ATP9B: variants seen among roughly 807,000 people sequenced by gnomAD.
ATP9B encodes ATPase phospholipid transporting 9B, also known as probable phospholipid-transporting ATPase IIB.
In ATP9B, 110 loss-of-function variants were observed where a neutral mutation model predicts 146.1. That is an observed-to-expected ratio of 0.75 (90% CI 0.65 to 0.88). The LOEUF (loss-of-function observed/expected upper bound fraction) is 0.88. Ranked by LOEUF, ATP9B falls within the 40% of genes least tolerant of loss-of-function variation. The probability of loss-of-function intolerance (pLI) is 0.00; values close to 1 mark genes in which losing one functional copy is unlikely to be tolerated. For synonymous variants in ATP9B, 604 were observed against 569.7 expected, an observed-to-expected ratio of 1.06 and a Z score of -0.86; for missense variants, 1,499 against 1,496.4, an observed-to-expected ratio of 1.00 and a Z score of -0.03.
At chr18:79,172,776 T>G (rs1314846005) in intron 7 of ATP9B, among the ~76,000 whole-genome samples, 1 of 152,280 alleles carries the variant, frequency 6.6e-6, no homozygotes, top group Non-Finnish European at 1.5e-5. Flanking sequence ...TTTTAAACCA[T>G]TCATCATTGT....
intron 26 of ATP9B, chr18:79,363,610 A>T (rs927600831): frequency 2.0e-5 from 3 of 151,100 alleles, no homozygotes; most frequent in Non-Finnish European, 4.4e-5. Context: ...GGTTTGAGAG[A>T]CGTAAACTGA....
chr18:79,146,984 CAT>C (rs2094602214), intron 6 of ATP9B: 1 of 152,004 alleles, frequency 6.6e-6, no homozygotes, highest in Admixed American at 6.5e-5. Flanking sequence ...AATACAGTGA[CAT>C]AGATAGGATG....
At chr18:79,196,559 A>T (rs1019020713) in intron 9 of ATP9B, among the ~76,000 whole-genome samples, 2 of 152,242 alleles carry the variant, frequency 1.3e-5, no homozygotes, top group South Asian at 2.1e-4. Context: ...AGTAGCTGTC[A>T]AAGCAAGGAG....
At chr18:79,274,102 T>C (rs1169598727) in intron 12 of ATP9B, among the ~76,000 whole-genome samples, 2 of 152,208 alleles carry the variant, frequency 1.3e-5, no homozygotes, top group Non-Finnish European at 2.9e-5. Context: ...GCTTAAAATA[T>C]AGCTGGTATT....
chr18:79,075,391 C>A (rs1299729057), intron 1 of ATP9B, among the ~76,000 whole-genome samples: 1 of 152,178 alleles, frequency 6.6e-6, no homozygotes, highest in South Asian at 2.1e-4. Flanking sequence ...CGCCTTCTGT[C>A]GGCCTTCCAA....
Position 79,283,187 on chromosome 18 carries a change from C to A in ATP9B, c.1411+5991C>A, listed in dbSNP as rs192998993. On this transcript the variant is annotated intron_variant, in intron 13 of 29. Coordinates refer to ENST00000426216, the MANE Select transcript of ATP9B (RefSeq NM_198531.5). ...GCCCTTCAGTGTGTAAATCAGAAGTCAGACAGGCTTTTGCAGTCACCTTGG... is the reference window on the plus strand; with the variant it reads ...GCCCTTCAGTGTGTAAATCAGAAGTAAGACAGGCTTTTGCAGTCACCTTGG... Among the ~76,000 whole-genome samples the A allele has an allele frequency of 5.3e-4, 80 of 152,322 alleles. 1 individual carries two copies. Among genetic ancestry groups the A allele is most frequent in the Admixed American group, 2.6e-4 (4 of 15,300 alleles).
chr18:79,345,770 C>T lies in ATP9B; in HGVS notation c.2618-5C>T, dbSNP rs747999659. ...TTATTTCATCTCACTTTTCTTGCTTCGCAGGTGATGGAGGAAATGATGTCA... is the reference window on the plus strand; with the variant it reads ...TTATTTCATCTCACTTTTCTTGCTTTGCAGGTGATGGAGGAAATGATGTCA... On this transcript the variant is annotated splice_region_variant and splice_polypyrimidine_tract_variant and intron_variant, in intron 22 of 29. Transcript: ENST00000426216. 1.4e-5 allele frequency: 22 copies of T among 1,614,078 alleles called. No individual in the cohort carries two copies. Among genetic ancestry groups the T allele is most frequent in the South Asian group, 5.5e-5 (5 of 91,094 alleles).
intron 11 of ATP9B, among the ~76,000 whole-genome samples, chr18:79,225,516 G>A (rs1168032433): frequency 6.6e-6 from 1 of 152,216 alleles, no homozygotes; most frequent in Non-Finnish European, 1.5e-5. Context: ...TCATGGGGAC[G>A]TCCTTTCGAA....
intron 12 of ATP9B, among the ~76,000 whole-genome samples, chr18:79,260,075 A>G (rs996652457): frequency 6.6e-6 from 1 of 152,122 alleles, no homozygotes; most frequent in Non-Finnish European, 1.5e-5. Flanking sequence ...CTTTGAAGAG[A>G]TAGATTAGGG....
chr18:79,138,368 C>CT (rs1359807635), intron 5 of ATP9B, among the ~76,000 whole-genome samples: 4 of 152,126 alleles, frequency 2.6e-5, no homozygotes, highest in African/African-American at 9.7e-5. Context: ...GTGTTTTTGA[C>CT]TTACATTTCA....
At chr18:79,154,101 C>G (rs897920413) in intron 6 of ATP9B, among the ~76,000 whole-genome samples, 2 of 150,842 alleles carry the variant, frequency 1.3e-5, no homozygotes, top group African/African-American at 2.5e-5. Flanking sequence ...CTACAGGTGC[C>G]TGCCACCACG....
intron 10 of ATP9B, among the ~76,000 whole-genome samples, chr18:79,209,878 G>T (rs996856891): frequency 6.6e-6 from 1 of 152,154 alleles, no homozygotes; most frequent in African/African-American, 2.4e-5. Context: ...ATGTTTGAAA[G>T]ATTTTAAGAT....
intron 13 of ATP9B, among the ~76,000 whole-genome samples, chr18:79,303,205 C>A (rs1189395926): frequency 6.6e-6 from 1 of 151,928 alleles, no homozygotes; most frequent in African/African-American, 2.4e-5. Context: ...CTACAAAAAA[C>A]AAAAAAATTA....
In ATP9B at chr18:79,345,843, G is replaced by A. The variant is rs779059940; in HGVS notation, c.2682+4G>A. 1 of 1,614,068 alleles carries A rather than the reference G, an allele frequency of 6.2e-7. No homozygotes were observed. The highest frequency in any genetic ancestry group is 1.3e-5 in the African/African-American group (1 of 74,934). On this transcript the variant is annotated splice_donor_region_variant and intron_variant, in intron 23 of 29. Transcript: ENST00000426216. ...TGGGATTGGGATTGAGGGAAAGGTA[G>A]GTTCGCCCTTTTATCAACACATTAG...
intron 7 of ATP9B, among the ~76,000 whole-genome samples, chr18:79,172,527 C>T (rs929767823): frequency 8.5e-6 from 1 of 117,664 alleles, no homozygotes; most frequent in Non-Finnish European, 1.8e-5. Context: ...CCCGCCCTTG[C>T]GATCCGCCTT....
At chr18:79,163,869 T>TACACACACACACACACACACACACAC (rs56408063) in intron 7 of ATP9B, among the ~76,000 whole-genome samples, 99 of 142,674 alleles carry the variant, frequency 6.9e-4, no homozygotes, top group Non-Finnish European at 1.1e-3. Flanking sequence ...TTTTATTTTA[T>TACACACACACACACACACACACACAC]ACACACACAC....
At chr18:79,074,460 A>AT (rs1204519073) in intron 1 of ATP9B, among the ~76,000 whole-genome samples, 4 of 152,216 alleles carry the variant, frequency 2.6e-5, no homozygotes, top group African/African-American at 9.6e-5. Context: ...TAGGTTATGG[A>AT]TAAAAAGGTT....
At chr18:79,216,082 A>G (rs2095624730) in intron 11 of ATP9B, among the ~76,000 whole-genome samples, 1 of 152,004 alleles carries the variant, frequency 6.6e-6, no homozygotes, top group African/African-American at 2.4e-5. Flanking sequence ...GGGTAAATTA[A>G]TTTTAAATAT....
chr18:79,269,386 A>G (rs2096234708), intron 12 of ATP9B, among the ~76,000 whole-genome samples: 1 of 152,132 alleles, frequency 6.6e-6, no homozygotes, highest in African/African-American at 2.4e-5. Context: ...TAAACTAAGG[A>G]ATTTCTTAAT....
Sources: allele counts gnomAD v4.1 joint callset (sites outside exome capture counted in the v4.1 genomes callset), GRCh38; gene constraint gnomAD v4.1.1; transcripts MANE v1.5; gene names NCBI Gene and HGNC (gene_info 2026-07-23, HGNC 2026-07-21).